RBMS2: variants seen among roughly 807,000 people sequenced by gnomAD.
The protein encoded by RBMS2 is RNA-binding motif, single-stranded-interacting protein 2.
A neutral mutation model predicts 58.4 loss-of-function variants in RBMS2; 38 were observed. That is an observed-to-expected ratio of 0.65 (90% confidence interval 0.50 to 0.85). The LOEUF (loss-of-function observed/expected upper bound fraction) is 0.85, where lower values mean the gene tolerates loss of function less well. RBMS2 is among the 40% of genes least tolerant of loss of function. The probability of loss-of-function intolerance (pLI) is 0.00; values close to 1 mark genes in which losing one functional copy is unlikely to be tolerated. For missense variants in RBMS2, 367 were observed against 503.7 expected, an observed-to-expected ratio of 0.73 and a Z score of 2.60; for synonymous variants, 151 against 180.7, an observed-to-expected ratio of 0.84 and a Z score of 1.32.
chr12:56,562,155 G>A (rs1880545842), intron 1 of RBMS2, among the ~76,000 whole-genome samples: 1 of 152,068 alleles, frequency 6.6e-6, no homozygotes, highest in South Asian at 2.1e-4. Context: ...GGCAAAAAGA[G>A]GGAAAAAGGA....
intron 1 of RBMS2, among the ~76,000 whole-genome samples, chr12:56,551,074 C>T (rs1022205750): frequency 5.6e-5 from 8 of 142,610 alleles, no homozygotes; most frequent in South Asian, 2.2e-4. Flanking sequence ...GCTATGATCG[C>T]GCACCACTGC....
In RBMS2 at chr12:56,589,981, ACAGATGTGACC is replaced by A. The variant is rs1360470593; in HGVS notation, c.*852_*862del. The A allele has an allele frequency of 6.6e-6, 1 of 152,290 alleles. No individual in the cohort carries two copies. Among genetic ancestry groups the A allele is most frequent in the African/African-American group, 2.4e-5 (1 of 41,452 alleles). The allele number at this position is 152,290 out of a possible 1,614,324, so 9.4% of individuals were successfully genotyped here. The stretch of plus-strand genomic sequence containing the variant: ...AAACTAGACTTTGGCTTCAGAAAGC[ACAGATGTGACC>A]CAGGCTTACTAAAGAGACAACTCCA... On this transcript the variant is annotated 3_prime_UTR_variant, in exon 14 of 14. Coordinates refer to ENST00000262031, the MANE Select transcript of RBMS2 (RefSeq NM_002898.4).
intron 2 of RBMS2, among the ~76,000 whole-genome samples, chr12:56,567,876 C>G (rs941323753): frequency 6.6e-6 from 1 of 151,976 alleles, no homozygotes; most frequent in Admixed American, 6.6e-5. Context: ...GTTCCCACTC[C>G]CCTCCCTAAC....
intron 5 of RBMS2, among the ~76,000 whole-genome samples, chr12:56,575,046 G>C (rs1403548090): frequency 6.6e-6 from 1 of 152,096 alleles, no homozygotes. Context: ...TTACTCGGAA[G>C]GCTGATGCTG....
chr12:56,571,990 G>T, intron 5 of RBMS2, 135 bp downstream of exon 5: 1 of 1,046,848 alleles, frequency 9.6e-7, no homozygotes, highest in Non-Finnish European at 1.3e-6. Flanking sequence ...TTGATGGTAA[G>T]TCAAAAGTTC....
intron 1 of RBMS2, among the ~76,000 whole-genome samples, chr12:56,553,928 G>A (rs1437896787): frequency 6.6e-6 from 1 of 150,622 alleles, no homozygotes; most frequent in African/African-American, 2.4e-5. Context: ...GGCTTCAAGC[G>A]ATTCTCCTGC....
chr12:56,536,922 C>CTTTT (rs975256484), intron 1 of RBMS2, among the ~76,000 whole-genome samples: 1 of 131,650 alleles, frequency 7.6e-6, no homozygotes, highest in African/African-American at 2.8e-5. Context: ...CCATCTTGAA[C>CTTTT]TTTTTTTTTT....
Position 56,595,825 on chromosome 12 carries a change from C to CTGTT in RBMS2, c.*6693_*6696dup, listed in dbSNP as rs1437637641. The CTGTT allele has an allele frequency of 6.6e-6, 1 of 152,430 alleles. No individual in the cohort carries two copies. Among genetic ancestry groups the CTGTT allele is most frequent in the Non-Finnish European group, 1.5e-5 (1 of 68,042 alleles). 9.4% of individuals were successfully genotyped at this position (152,430 alleles called of 1,614,324 possible). On this transcript the variant is annotated 3_prime_UTR_variant, in exon 14 of 14. Coordinates refer to ENST00000262031, the MANE Select transcript of RBMS2 (RefSeq NM_002898.4). ...CACAGAGGGTATGGAACAGGAGCCC[C>CTGTT]TGTTGTTCCCTTGCCTGTGGTCTCT...
chr12:56,523,081 CA>C (rs1387436132), intron 1 of RBMS2, among the ~76,000 whole-genome samples: 1 of 152,178 alleles, frequency 6.6e-6, no homozygotes, highest in Non-Finnish European at 1.5e-5. Context: ...GATTTAAACA[CA>C]AGTGTCTGAT....
rs994995311 is a variant in RBMS2, at chr12:56,595,329, C to T, written c.*6196C>T. ...ATACATATCCAGCGCGAGTGAAGTC[C>T]CCACTCCAACATATACCCTTTTTGG... On this transcript the variant is annotated 3_prime_UTR_variant, in exon 14 of 14. Coordinates refer to ENST00000262031, the MANE Select transcript of RBMS2 (RefSeq NM_002898.4). 3 of 152,140 alleles carry T rather than the reference C, an allele frequency of 2.0e-5. No individual in the cohort carries two copies. Among genetic ancestry groups the T allele is most frequent in the Non-Finnish European group, 4.4e-5 (3 of 68,036 alleles). 9.4% of individuals were successfully genotyped at this position (152,140 alleles called of 1,614,324 possible).
At position 56,589,320 on chromosome 12, in the gene RBMS2, C is replaced by T. The variant is rs1055825720; in HGVS notation, c.*187C>T. 4.6e-6 allele frequency: 6 copies of T among 1,312,612 alleles called. No homozygotes were observed. Among genetic ancestry groups the T allele is most frequent in the Non-Finnish European group, 5.9e-6 (6 of 1,012,992 alleles). 81.3% of individuals were successfully genotyped at this position (1,312,612 alleles called of 1,614,324 possible). A position where few individuals can be genotyped will look rare whatever the true frequency, so the allele number is the denominator to read the frequency against. ...GAAATCTCTACGTTCCTGCCCTTTA[C>T]TATTGCTGATGGAGCCTGGGGGAAC... On this transcript the variant is annotated 3_prime_UTR_variant, in exon 14 of 14. Coordinates refer to ENST00000262031, the MANE Select transcript of RBMS2 (RefSeq NM_002898.4).
At chr12:56,574,060 C>G (rs1260658336) in intron 5 of RBMS2, among the ~76,000 whole-genome samples, 1 of 152,132 alleles carries the variant, frequency 6.6e-6, no homozygotes, top group Non-Finnish European at 1.5e-5. Context: ...AGGCTGTTCT[C>G]GAACTCCTGA....
intron 1 of RBMS2, chr12:56,539,636 A>G: frequency 2.2e-6 from 1 of 445,028 alleles, no homozygotes; most frequent in Non-Finnish European, 4.5e-6. Context: ...TATTTTATAT[A>G]ATAGACAGTA....
At chr12:56,575,161 C>T (rs1406120757) in intron 5 of RBMS2, among the ~76,000 whole-genome samples, 2 of 150,534 alleles carry the variant, frequency 1.3e-5, no homozygotes, top group East Asian at 3.9e-4. Flanking sequence ...CAGAGTGAGA[C>T]TCGTCTCAAA....
chr12:56,570,004 C>A lies in RBMS2; in HGVS notation c.384+14C>A, dbSNP rs748189897. On this transcript the variant is annotated intron_variant, in intron 4 of 13. Coordinates refer to ENST00000262031, the MANE Select transcript of RBMS2 (RefSeq NM_002898.4). ...CAGATGGCAAAGGTAAGGGTACTAC[C>A]CCATGTCTGTTCCTCCAAGGGGTTT... 3.8e-6 allele frequency: 6 copies of A among 1,594,064 alleles called. No homozygotes were observed. The highest frequency in any genetic ancestry group is 1.3e-5 in the African/African-American group (1 of 74,374).
chr12:56,588,239 C>T (rs1884948753), intron 11 of RBMS2, 55 bp from the exon 12 acceptor site: 1 of 1,437,602 alleles, frequency 7.0e-7, no homozygotes, highest in African/African-American at 1.4e-5. Flanking sequence ...CCCTCAGCTG[C>T]TTCAAATGTA....
intron 1 of RBMS2, among the ~76,000 whole-genome samples, chr12:56,548,765 C>A (rs542506441): frequency 1.6e-4 from 24 of 152,236 alleles, no homozygotes; most frequent in Admixed American, 2.6e-4. Context: ...ACACAATTAG[C>A]AAACCATGTG....
chr12:56,555,392 A>G (rs1413823957), intron 1 of RBMS2, among the ~76,000 whole-genome samples: 1 of 149,880 alleles, frequency 6.7e-6, no homozygotes, highest in Non-Finnish European at 1.5e-5. Flanking sequence ...GTGATACAAG[A>G]TCGCGCCATT....
chr12:56,587,440 A>G (rs1462540641), intron 10 of RBMS2, 114 bp from the exon 11 acceptor site: 2 of 1,146,752 alleles, frequency 1.7e-6, no homozygotes, highest in African/African-American at 3.1e-5. Context: ...CTCACTTACC[A>G]TTTCCCAGGA....
Sources: gnomAD v4.1 joint callset for allele counts (sites outside exome capture counted in the v4.1 genomes callset) on GRCh38, gnomAD v4.1.1 for gene constraint, MANE v1.5 for transcripts, NCBI Gene and HGNC (gene_info 2026-07-23, HGNC 2026-07-21) for gene names.